Variants in SH3RF2 observed in about 807,000 individuals in gnomAD.
SH3RF2 encodes SH3 domain containing ring finger 2.
Under a neutral mutation model 59.0 loss-of-function variants are expected in SH3RF2, and 43 were observed. That is an observed-to-expected ratio of 0.73 (90% CI 0.57 to 0.94). SH3RF2 has a LOEUF of 0.94. Among genes scored for constraint, SH3RF2 ranks in the 40% least tolerant of loss-of-function variants. SH3RF2 has a pLI of 0.00. For synonymous variants in SH3RF2, 391 were observed against 391.5 expected, an observed-to-expected ratio of 1.00 and a Z score of 0.01; for missense variants, 930 against 940.1, an observed-to-expected ratio of 0.99 and a Z score of 0.14.
At chr5:145,941,371 C>T (rs1234325586) in intron 2 of SH3RF2, among the ~76,000 whole-genome samples, 1 of 152,148 alleles carries the variant, frequency 6.6e-6, no homozygotes, top group Non-Finnish European at 1.5e-5. Flanking sequence ...TAAAACCCTC[C>T]CTAGATGATT....
chr5:145,968,368 T>A (rs1440604193), intron 2 of SH3RF2, among the ~76,000 whole-genome samples: 4 of 152,220 alleles, frequency 2.6e-5, no homozygotes, highest in Non-Finnish European at 5.9e-5. Context: ...AGTCATTTTT[T>A]AAAATGAGTT....
At chr5:145,941,539 G>C (rs1406538886) in intron 2 of SH3RF2, among the ~76,000 whole-genome samples, 1 of 152,162 alleles carries the variant, frequency 6.6e-6, no homozygotes, top group Non-Finnish European at 1.5e-5. Context: ...TAAAGCAAAG[G>C]AACTTGGCAA....
chr5:146,059,102 C>T lies in SH3RF2; in HGVS notation c.1556-764C>T, dbSNP rs139982429. ...ACTGTTATTATCTCCAGCTTACAAA[C>T]GAGAGAACTGAGGTGCAGAGAGGTG... On this transcript the variant is annotated intron_variant, in intron 8 of 9. Transcript: ENST00000359120. 1.5e-3 allele frequency among the ~76,000 whole-genome samples: 223 copies of T among 152,278 alleles called. 2 individuals are homozygous for T. The highest frequency in any genetic ancestry group is 4.9e-3 in the African/African-American group (204 of 41,558).
intron 7 of SH3RF2, 132 bp downstream of exon 7, chr5:146,049,377 C>G: frequency 1.0e-6 from 1 of 998,380 alleles, no homozygotes; most frequent in East Asian, 2.5e-5. Flanking sequence ...TGCTCTATAA[C>G]CCGCCTATCT....
intron 5 of SH3RF2, among the ~76,000 whole-genome samples, chr5:146,018,972 T>C (rs1761211173): frequency 6.6e-6 from 1 of 152,182 alleles, no homozygotes; most frequent in South Asian, 2.1e-4. Flanking sequence ...TGTTTGCTTT[T>C]TTCTTACTGA....
At chr5:146,002,880 T>A (rs1760483798) in intron 3 of SH3RF2, among the ~76,000 whole-genome samples, 1 of 152,186 alleles carries the variant, frequency 6.6e-6, no homozygotes, top group South Asian at 2.1e-4. Flanking sequence ...AACCATTCCC[T>A]ATCCTCTACC....
chr5:146,055,586 G>C (rs960379167), intron 7 of SH3RF2, among the ~76,000 whole-genome samples: 1 of 152,194 alleles, frequency 6.6e-6, no homozygotes, highest in African/African-American at 2.4e-5. Context: ...TTGTGAAAAA[G>C]TCACTGACTC....
At chr5:145,997,299 A>G in intron 2 of SH3RF2, 1 of 1,019,236 alleles carries the variant, frequency 9.8e-7, no homozygotes, top group Non-Finnish European at 1.6e-6. Flanking sequence ...GGAATCCAAA[A>G]AGCAGCTAGT....
rs150400809 is a variant in SH3RF2 at position 146,078,058 on chromosome 5, C to G, written c.*34-402C>G. ...GCTCTCCCTTATGGTCAAGTGCCAA[C>G]CTCTGAGTGTAAAAGGAATTATGGA... On this transcript the variant is annotated intron_variant, in intron 9 of 9. Coordinates refer to the SH3RF2 transcript ENST00000511217. Among the ~76,000 whole-genome samples, 457 of 152,028 alleles carry G rather than the reference C, an allele frequency of 3.0e-3. 6 individuals are homozygous for G. Among genetic ancestry groups the G allele is most frequent in the African/African-American group, 9.9e-3 (411 of 41,470 alleles).
intron 3 of SH3RF2, among the ~76,000 whole-genome samples, 162 bp from the exon 4 acceptor site, chr5:146,003,896 T>C (rs1037802709): frequency 6.6e-6 from 1 of 152,210 alleles, no homozygotes; most frequent in Non-Finnish European, 1.5e-5. Flanking sequence ...CACTGCCCTT[T>C]ATGGAGAAAG....
At position 146,002,188 on chromosome 5, in the gene SH3RF2, C is replaced by T. The variant is rs570145982; in HGVS notation, c.648+1861C>T. 9.2e-5 allele frequency among the ~76,000 whole-genome samples: 14 copies of T among 152,298 alleles called. No individual in the cohort carries two copies. The East Asian group carries it at 2.1e-3, about 23-fold the overall frequency. On this transcript the variant is annotated intron_variant, in intron 3 of 9. Transcript: ENST00000359120. ...AATAACCTCCTGGCACGGTGGCTCA[C>T]GCCTGCAATCCCAGCACTTTGGGAG...
chr5:146,037,095 CTCCTA>C (rs1281551170), intron 5 of SH3RF2, among the ~76,000 whole-genome samples: 2 of 152,210 alleles, frequency 1.3e-5, no homozygotes, highest in African/African-American at 4.8e-5. Context: ...CTTTGTATGT[CTCCTA>C]TGTCATAATA....
At chr5:146,060,584 C>T (rs1752797981) in intron 9 of SH3RF2, among the ~76,000 whole-genome samples, 1 of 152,018 alleles carries the variant, frequency 6.6e-6, no homozygotes, top group Admixed American at 6.6e-5. Context: ...AAATACTTCA[C>T]CCTTCTGAGT....
At chr5:145,953,616 C>T (rs1758277653) in intron 2 of SH3RF2, among the ~76,000 whole-genome samples, 1 of 152,122 alleles carries the variant, frequency 6.6e-6, no homozygotes, top group Admixed American at 6.5e-5. Flanking sequence ...CAGGTAAGCA[C>T]ATGTCACAGG....
At chr5:145,989,089 A>C (rs1313285862) in intron 2 of SH3RF2, among the ~76,000 whole-genome samples, 2 of 152,190 alleles carry the variant, frequency 1.3e-5, no homozygotes, top group South Asian at 4.1e-4. Context: ...CATTCCCAAG[A>C]CACGTGGGCT....
intron 2 of SH3RF2, among the ~76,000 whole-genome samples, chr5:145,996,976 G>A (rs745451893): frequency 2.6e-5 from 4 of 152,248 alleles, no homozygotes; most frequent in Middle Eastern, 3.4e-3. Context: ...GGAAGTGCTC[G>A]GTAATTAGTT....
chr5:146,013,821 G>A lies in SH3RF2; in HGVS notation c.819G>A (p.Leu273=). The A allele has an allele frequency of 6.2e-7, 1 of 1,614,120 alleles. No homozygotes were observed. Residue 273 remains leucine, a synonymous_variant, in exon 5 of 10, where the codon CTG becomes CTA. Transcript: ENST00000359120. The part of the protein sequence containing the change: ...RQSSRTKNLS[L]VSSSSRGNTS... ...CATCCCGCACAAAAAACCTGTCCCT[G>A]GTGTCCTCGTCCTCCAGAGGCAACA...
intron 9 of SH3RF2, among the ~76,000 whole-genome samples, chr5:146,070,963 G>A (rs1763221316): frequency 6.6e-6 from 1 of 152,198 alleles, no homozygotes; most frequent in African/African-American, 2.4e-5. Context: ...TGGAATCAGT[G>A]CTAGCATGAC....
intron 5 of SH3RF2, among the ~76,000 whole-genome samples, chr5:146,046,373 A>G (rs1018730749): frequency 6.6e-6 from 1 of 152,082 alleles, no homozygotes; most frequent in Non-Finnish European, 1.5e-5. Context: ...ACACACTCAT[A>G]CCTACATAAA....
Sources: allele counts gnomAD v4.1 joint callset (sites outside exome capture counted in the v4.1 genomes callset), GRCh38; gene constraint gnomAD v4.1.1; transcripts MANE v1.5; gene names NCBI Gene and HGNC (gene_info 2026-07-23, HGNC 2026-07-21).